The following CFAP58 variants were observed in gnomAD, a reference collection of about 807,000 sequenced individuals.
CFAP58 encodes cilia and flagella associated protein 58.
Under a neutral mutation model 119.5 loss-of-function variants are expected in CFAP58, and 88 were observed. That is an observed-to-expected ratio of 0.74 (90% CI 0.62 to 0.88). The LOEUF is 0.88. Ranked by LOEUF, CFAP58 falls within the 40% of genes least tolerant of loss-of-function variation. The pLI, the probability that CFAP58 is intolerant of heterozygous loss-of-function variation, is 0.00. For missense variants in CFAP58, 990 were observed against 1,021.2 expected, an observed-to-expected ratio of 0.97 and a Z score of 0.42; for synonymous variants, 365 against 366.3, an observed-to-expected ratio of 1.00 and a Z score of 0.04.
Position 104,433,633 on chromosome 10 carries a change from C to T in CFAP58, c.2257-14065C>T, listed in dbSNP as rs74673991. Among the ~76,000 whole-genome samples the T allele has an allele frequency of 7.9e-3, 1,210 of 152,304 alleles. 8 individuals carry two copies. Among genetic ancestry groups the T allele is most frequent in the Middle Eastern group, 0.031 (9 of 294 alleles). On this transcript the variant is annotated intron_variant, in intron 15 of 17. Transcript: ENST00000369704. The stretch of plus-strand genomic sequence containing the variant: ...GGATGGAGCCCTCTCTGCTCTGAGC[C>T]CATCCCATGATGTCATGATCCAGCT...
intron 17 of CFAP58, 45 bp downstream of exon 17, chr10:104,450,249 G>A: frequency 6.3e-7 from 1 of 1,593,008 alleles, no homozygotes; most frequent in Non-Finnish European, 8.6e-7. Flanking sequence ...CCTATTATCT[G>A]CACATAAGAA....
At chr10:104,379,438 A>C (rs973220679) in intron 8 of CFAP58, among the ~76,000 whole-genome samples, 1 of 152,146 alleles carries the variant, frequency 6.6e-6, no homozygotes, top group African/African-American at 2.4e-5. Context: ...GGTTGTGTCT[A>C]TCTTTTGGCT....
intron 15 of CFAP58, among the ~76,000 whole-genome samples, chr10:104,409,049 G>C (rs978678101): frequency 6.6e-6 from 1 of 152,104 alleles, no homozygotes; most frequent in African/African-American, 2.4e-5. Context: ...GTGGTGAGCT[G>C]TGATTGTGCC....
chr10:104,439,962 G>A (rs1285771019), intron 15 of CFAP58, among the ~76,000 whole-genome samples: 1 of 152,144 alleles, frequency 6.6e-6, no homozygotes, highest in Admixed American at 6.5e-5. Flanking sequence ...TGGGACTACA[G>A]GCGCCCGCCA....
upstream of CFAP58, among the ~76,000 whole-genome samples, chr10:104,352,517 A>ATTTC (rs143376095): frequency 0.034 from 5,219 of 152,316 alleles, 279 homozygotes; most frequent in African/African-American, 0.12. Flanking sequence ...GGCACGGGAA[A>ATTTC]GAGAGTAGAG....
chr10:104,362,612 T>C lies in CFAP58; in HGVS notation c.440+441T>C, dbSNP rs1025095246. ...GCTCCCCCATCTCTTAAAGCCACTGTCTTGTTGGCTTGGTCTTCTAAGCAT... is the reference window on the plus strand; with the variant it reads ...GCTCCCCCATCTCTTAAAGCCACTGCCTTGTTGGCTTGGTCTTCTAAGCAT... On this transcript the variant is annotated intron_variant, in intron 3 of 17. Transcript: ENST00000369704. 2.0e-5 allele frequency among the ~76,000 whole-genome samples: 3 copies of C among 152,134 alleles called. No homozygotes were observed. The East Asian group carries it at 5.8e-4, about 29-fold the overall frequency.
chr10:104,393,293 A>G (rs774835210), intron 10 of CFAP58, 36 bp from the exon 11 acceptor site: 36 of 1,591,746 alleles, frequency 2.3e-5, no homozygotes, highest in Non-Finnish European at 2.9e-5. Flanking sequence ...ATGATGTCTA[A>G]TTCACTTTCA....
chr10:104,414,830 C>T (rs976957398), intron 15 of CFAP58, among the ~76,000 whole-genome samples: 2 of 152,088 alleles, frequency 1.3e-5, no homozygotes, highest in African/African-American at 2.4e-5. Context: ...CCACCGCGCC[C>T]GGCTAATTTT....
At chr10:104,385,481 A>ATCCACACCAAAG (rs991160651) in intron 9 of CFAP58, among the ~76,000 whole-genome samples, 1 of 152,206 alleles carries the variant, frequency 6.6e-6, no homozygotes, top group African/African-American at 2.4e-5. Flanking sequence ...CAGATTTAAA[A>ATCCACACCAAAG]TCCACACCAA....
Position 104,365,803 on chromosome 10 carries a change from G to C in CFAP58, c.598-11G>C. ...CATCTCTTTCTCTCTTGTCCTTTCC[G>C]CAACCTCTAGTTCCAACAAGAAATC... On this transcript the variant is annotated splice_polypyrimidine_tract_variant and intron_variant, in intron 4 of 17. Transcript: ENST00000369704. 6.3e-7 allele frequency: 1 copy of C among 1,598,122 alleles called. No individual in the cohort carries two copies. Among genetic ancestry groups the C allele is most frequent in the South Asian group, 1.1e-5 (1 of 88,656 alleles).
At chr10:104,386,403 T>A (rs1230401330) in intron 9 of CFAP58, among the ~76,000 whole-genome samples, 5 of 150,988 alleles carry the variant, frequency 3.3e-5, no homozygotes, top group African/African-American at 9.7e-5. Flanking sequence ...AATAAATAAA[T>A]AAAAATAAGA....
At chr10:104,357,949 A>G (rs2014599083) in intron 1 of CFAP58, among the ~76,000 whole-genome samples, 1 of 118,812 alleles carries the variant, frequency 8.4e-6, no homozygotes, top group South Asian at 2.3e-4. Context: ...ATATGTACAC[A>G]TATATACACA....
At chr10:104,404,638 C>T (rs2012325860) in intron 14 of CFAP58, among the ~76,000 whole-genome samples, 1 of 151,508 alleles carries the variant, frequency 6.6e-6, no homozygotes, top group Non-Finnish European at 1.5e-5. Flanking sequence ...GAGATGGAGT[C>T]TCGCTCTGTC....
the CFAP58 span, among the ~76,000 whole-genome samples, chr10:104,345,469 C>G: frequency 6.6e-6 from 1 of 152,102 alleles, no homozygotes; most frequent in African/African-American, 2.4e-5. Context: ...CCTTTAGTCA[C>G]TAATCACTCC....
chr10:104,378,197 T>C (rs1213574060), intron 8 of CFAP58, among the ~76,000 whole-genome samples: 1 of 152,228 alleles, frequency 6.6e-6, no homozygotes, highest in East Asian at 1.9e-4. Flanking sequence ...TAATTGATAA[T>C]ACGTTATTTC....
intron 1 of CFAP58, among the ~76,000 whole-genome samples, chr10:104,354,133 G>T (rs2014508138): frequency 6.6e-6 from 1 of 152,122 alleles, no homozygotes; most frequent in Admixed American, 6.5e-5. Flanking sequence ...TGGCATCGGC[G>T]CTATGCTAAG....
intron 7 of CFAP58, among the ~76,000 whole-genome samples, chr10:104,373,587 A>C (rs969810137): frequency 2.0e-5 from 3 of 152,094 alleles, no homozygotes; most frequent in Non-Finnish European, 1.5e-5. Flanking sequence ...CTAGGAGGTC[A>C]AGGTTGCAGT....
In CFAP58 at chr10:104,358,587, C is replaced by A; in HGVS notation, c.256C>A (p.Gln86Lys). The change falls in exon 2 of 18, where the codon CAG becomes AAG. Residue 86 changes from glutamine to lysine, a missense_variant. Gln to Lys is a moderately conservative substitution (Grantham distance 53, BLOSUM62 1). Transcript: ENST00000369704. ...AKVATALKLS[Q>K]DDQTTIASLK... ...GGTCGCCACTGCCCTTAAGCTCTCT[C>A]AGGATGATCAGACCACCATTGCATC... 6.2e-7 allele frequency: 1 copy of A among 1,613,936 alleles called. No individual in the cohort carries two copies. The highest frequency in any genetic ancestry group is 8.5e-7 in the Non-Finnish European group (1 of 1,179,870).
At chr10:104,357,472 C>T (rs893579387) in intron 1 of CFAP58, among the ~76,000 whole-genome samples, 2 of 152,100 alleles carry the variant, frequency 1.3e-5, no homozygotes, top group African/African-American at 4.8e-5. Context: ...CTATGTCTGG[C>T]CTCAACACAC....
Sources: gnomAD v4.1 joint callset for allele counts (sites outside exome capture counted in the v4.1 genomes callset) on GRCh38, gnomAD v4.1.1 for gene constraint, MANE v1.5 for transcripts, NCBI Gene and HGNC (gene_info 2026-07-23, HGNC 2026-07-21) for gene names.